The following ZNF385B variants were observed in gnomAD, a reference collection of about 807,000 sequenced individuals.
ZNF385B encodes zinc finger protein 385B.
Under a neutral mutation model 39.2 loss-of-function variants are expected in ZNF385B, and 23 were observed. The observed-to-expected ratio is 0.59, with a 90% confidence interval of 0.42 to 0.83. The LOEUF is 0.83. Among genes scored for constraint, ZNF385B ranks in the 40% least tolerant of loss-of-function variants. The pLI is 0.00. For missense variants in ZNF385B, 552 were observed against 598.9 expected (o/e 0.92, Z 0.82); for synonymous variants, 205 against 222.6 (o/e 0.92, Z 0.70).
At chr2:179,513,829 A>T (rs780786562) in intron 5 of ZNF385B, among the ~76,000 whole-genome samples, 2 of 152,172 alleles carry the variant, frequency 1.3e-5, no homozygotes, top group Non-Finnish European at 2.9e-5. Flanking sequence ...GGAAATGAGT[A>T]AAGTTTTGTG....
intron 3 of ZNF385B, among the ~76,000 whole-genome samples, chr2:179,669,094 T>G (rs1438964892): frequency 6.6e-6 from 1 of 152,206 alleles, no homozygotes; most frequent in Admixed American, 6.5e-5. Context: ...AAAAAATACT[T>G]GAGTGTCAGA....
At chr2:179,834,538 CG>C (rs1156563519) in intron 1 of ZNF385B, among the ~76,000 whole-genome samples, 9 of 151,838 alleles carry the variant, frequency 5.9e-5, no homozygotes, top group Non-Finnish European at 1.0e-4. Flanking sequence ...AAACGAAAGA[CG>C]GGGGGAAAGT....
chr2:179,610,314 T>C (rs996796648), intron 3 of ZNF385B, among the ~76,000 whole-genome samples: 1 of 152,178 alleles, frequency 6.6e-6, no homozygotes, highest in East Asian at 1.9e-4. Context: ...AAGAGATTAT[T>C]CTTTCCCCAA....
At chr2:179,519,041 C>T (rs1189305093) in intron 4 of ZNF385B, among the ~76,000 whole-genome samples, 1 of 152,230 alleles carries the variant, frequency 6.6e-6, no homozygotes. Flanking sequence ...AATGCAGTGG[C>T]GTGATCATAG....
chr2:179,588,906 A>G (rs1374754098), intron 3 of ZNF385B, among the ~76,000 whole-genome samples: 3 of 152,162 alleles, frequency 2.0e-5, no homozygotes, highest in Admixed American at 1.3e-4. Context: ...AACTCTTGCA[A>G]AATGCTGCCC....
At chr2:179,854,956 A>G (rs1387013181) in intron 1 of ZNF385B, among the ~76,000 whole-genome samples, 2 of 152,222 alleles carry the variant, frequency 1.3e-5, no homozygotes, top group Non-Finnish European at 2.9e-5. Flanking sequence ...AGAGAAAACA[A>G]TGAAAAACTG....
At chr2:179,600,065 C>G (rs1389624679) in intron 3 of ZNF385B, among the ~76,000 whole-genome samples, 1 of 152,166 alleles carries the variant, frequency 6.6e-6, no homozygotes, top group African/African-American at 2.4e-5. Flanking sequence ...ATTGTGATCT[C>G]TCATTTGTTT....
At chr2:179,572,870 G>A (rs528227048) in intron 3 of ZNF385B, among the ~76,000 whole-genome samples, 1 of 152,128 alleles carries the variant, frequency 6.6e-6, no homozygotes, top group Non-Finnish European at 1.5e-5. Context: ...AAGAAGGGCA[G>A]ACAAACAACA....
intron 1 of ZNF385B, among the ~76,000 whole-genome samples, chr2:179,846,824 G>A (rs746646271): frequency 2.6e-5 from 4 of 152,218 alleles, no homozygotes; most frequent in South Asian, 2.1e-4. Flanking sequence ...CTGCTGGTCC[G>A]TGGACTCACC....
chr2:179,541,789 T>G, intron 4 of ZNF385B, among the ~76,000 whole-genome samples: 1 of 152,298 alleles, frequency 6.6e-6, no homozygotes, highest in African/African-American at 2.4e-5. Flanking sequence ...TGCTGAAAAT[T>G]GCCTTCCACA....
intron 3 of ZNF385B, among the ~76,000 whole-genome samples, chr2:179,739,055 A>AATC (rs1418323601): frequency 5.9e-5 from 9 of 152,182 alleles, no homozygotes; most frequent in Non-Finnish European, 1.2e-4. Context: ...TGCAAATTCA[A>AATC]ATCTCAGCTG....
rs1212513827 is a variant in ZNF385B, at chr2:179,483,396, G to C, written c.591C>G (p.Ala197=). The part of the protein sequence containing the change: ...AEAHYKGSKH[A]KKVKALDATK... ...TTGCGTCTAGTGCTTTGACCTTCTTGGCATGTTTACTTCCTTTGTAGTGGG... is the reference window on the plus strand; with the variant it reads ...TTGCGTCTAGTGCTTTGACCTTCTTCGCATGTTTACTTCCTTTGTAGTGGG... Residue 197 remains alanine, a synonymous_variant, in exon 6 of 10, where the codon GCC becomes GCG. Coordinates refer to ENST00000410066, the MANE Select transcript of ZNF385B (RefSeq NM_152520.6). 6.2e-7 allele frequency: 1 copy of C among 1,613,892 alleles called. No homozygotes were observed. The highest frequency in any genetic ancestry group is 1.3e-5 in the African/African-American group (1 of 74,970).
chr2:179,472,253 C>T (rs1439393732), intron 6 of ZNF385B, among the ~76,000 whole-genome samples: 1 of 152,092 alleles, frequency 6.6e-6, no homozygotes, highest in African/African-American at 2.4e-5. Context: ...AATCATATGT[C>T]CTACAGGTTA....
At chr2:179,694,372 C>T (rs921060147) in intron 3 of ZNF385B, among the ~76,000 whole-genome samples, 3 of 145,816 alleles carry the variant, frequency 2.1e-5, no homozygotes, top group African/African-American at 7.6e-5. Context: ...TTTTTGACTG[C>T]GAATTTATAT....
chr2:179,536,011 T>A (rs2059543241), intron 4 of ZNF385B, among the ~76,000 whole-genome samples: 1 of 152,204 alleles, frequency 6.6e-6, no homozygotes, highest in South Asian at 2.1e-4. Context: ...GAGGCCACTA[T>A]CACTGATTAA....
intron 3 of ZNF385B, among the ~76,000 whole-genome samples, chr2:179,597,773 A>G (rs1407334426): frequency 3.3e-5 from 5 of 152,242 alleles, no homozygotes; most frequent in Non-Finnish European, 5.9e-5. Flanking sequence ...AGTCAGAAAA[A>G]GAAAGATAAA....
intron 1 of ZNF385B, among the ~76,000 whole-genome samples, chr2:179,794,518 A>G (rs1705532520): frequency 6.6e-6 from 1 of 152,200 alleles, no homozygotes; most frequent in South Asian, 2.1e-4. Flanking sequence ...CAGTAACTCT[A>G]AAATTCTCTC....
At chr2:179,789,220 A>G (rs1281756451) in intron 1 of ZNF385B, among the ~76,000 whole-genome samples, 1 of 152,186 alleles carries the variant, frequency 6.6e-6, no homozygotes, top group Admixed American at 6.5e-5. Flanking sequence ...TAATTGTTAA[A>G]TCTACTCTAA....
At chr2:179,535,039 T>G (rs1463635145) in intron 4 of ZNF385B, among the ~76,000 whole-genome samples, 2 of 152,196 alleles carry the variant, frequency 1.3e-5, no homozygotes, top group Non-Finnish European at 2.9e-5. Flanking sequence ...CATACTATAA[T>G]GGCAATGGAC....
Sources: gnomAD v4.1 joint callset for allele counts (sites outside exome capture counted in the v4.1 genomes callset) on GRCh38, gnomAD v4.1.1 for gene constraint, MANE v1.5 for transcripts, NCBI Gene and HGNC (gene_info 2026-07-23, HGNC 2026-07-21) for gene names.